MC2R: variants seen among roughly 807,000 people sequenced by gnomAD.
MC2R encodes adrenocorticotropic hormone receptor.
A neutral mutation model predicts 9.8 loss-of-function variants in MC2R; 9 were observed. That is an observed-to-expected ratio of 0.92 (90% CI 0.55 to 1.60). The LOEUF is 1.60. Ranked by LOEUF, MC2R falls within the 40% of genes most tolerant of loss-of-function variation. The pLI, the probability that MC2R is intolerant of heterozygous loss-of-function variation, is 0.00. For missense variants in MC2R, 370 were observed against 389.0 expected (o/e 0.95, Z 0.41); for synonymous variants, 185 against 154.7 (o/e 1.20, Z -1.45).
intron 1 of MC2R, among the ~76,000 whole-genome samples, chr18:13,914,567 C>T (rs1023534314): frequency 1.3e-5 from 2 of 152,262 alleles, no homozygotes; most frequent in Non-Finnish European, 2.9e-5. Flanking sequence ...CCCTTTGTAC[C>T]CCTTTCCCAT....
At chr18:13,892,022 A>G (rs2045318228) in intron 1 of MC2R, among the ~76,000 whole-genome samples, 1 of 152,218 alleles carries the variant, frequency 6.6e-6, no homozygotes, top group Non-Finnish European at 1.5e-5. Flanking sequence ...ACAAACAAAC[A>G]CACAGGGCCA....
At chr18:13,915,697 C>CA (rs1184166885), upstream of MC2R, 2 of 152,222 alleles carry the variant, frequency 1.3e-5, no homozygotes. Flanking sequence ...AATGGAAAGA[C>CA]ACAGGCAGAT....
Position 13,904,727 on chromosome 18 carries a change from CT to C in MC2R, c.-129+10760del, listed in dbSNP as rs569771788. Among the ~76,000 whole-genome samples the C allele has an allele frequency of 1.3e-4, 20 of 152,110 alleles. No individual in the cohort carries two copies. In the South Asian group the frequency reaches 3.7e-3, roughly 28 times the overall value. The stretch of plus-strand genomic sequence containing the variant: ...TAGACCAATGGAGCAGAACAGAGAC[CT>C]CAGAAATAACACCACACATCTACAA... On this transcript the variant is annotated intron_variant, in intron 1 of 1. Transcript: ENST00000327606.
At position 13,884,353 on chromosome 18, in the gene MC2R, C is replaced by T. The variant is rs2045257840; in HGVS notation, c.*272G>A. On this transcript the variant is annotated 3_prime_UTR_variant, in exon 2 of 2. Transcript: ENST00000327606. ...GGTCATTGAAAGTAATGGCAAAAAC[C>T]TTAATTACTTTTGTACCTACCTAAT... is the stretch of plus-strand genomic sequence containing the variant. 6.0e-6 allele frequency: 3 copies of T among 499,650 alleles called. No homozygotes were observed. Among genetic ancestry groups the T allele is most frequent in the Non-Finnish European group, 1.1e-5 (3 of 275,472 alleles). 31.0% of individuals were successfully genotyped at this position (499,650 alleles called of 1,614,324 possible).
intron 1 of MC2R, among the ~76,000 whole-genome samples, chr18:13,906,408 A>G (rs1199077946): frequency 6.6e-6 from 1 of 152,132 alleles, no homozygotes; most frequent in Non-Finnish European, 1.5e-5. Context: ...AGAGGTGAAC[A>G]ACACACACCA....
In MC2R at chr18:13,892,842, ACACAC is replaced by A. The variant is rs1259850199; in HGVS notation, c.-128-7201_-128-7197del. ...CACACACACACACACACACACACAC[ACACAC>A]CACACACACACATCTGTTGCCCAGG... On this transcript the variant is annotated intron_variant, in intron 1 of 1. Transcript: ENST00000327606. 4.1e-4 allele frequency among the ~76,000 whole-genome samples: 56 copies of A among 136,446 alleles called. No individual in the cohort carries two copies. In the East Asian group the frequency reaches 6.9e-3, roughly 17 times the overall value. 89.5% of individuals were successfully genotyped at this position (136,446 alleles called of 152,430 possible).
At chr18:13,907,371 T>A (rs2045420141) in intron 1 of MC2R, among the ~76,000 whole-genome samples, 1 of 152,002 alleles carries the variant, frequency 6.6e-6, no homozygotes, top group Non-Finnish European at 1.5e-5. Flanking sequence ...AAAAATCAAA[T>A]CAAGATGGAT....
chr18:13,910,169 A>G (rs1254326255), intron 1 of MC2R, among the ~76,000 whole-genome samples: 1 of 152,200 alleles, frequency 6.6e-6, no homozygotes, highest in Non-Finnish European at 1.5e-5. Flanking sequence ...CTGTTTGTTG[A>G]AAAGTCTACC....
Position 13,884,719 on chromosome 18 carries a change from C to T in MC2R, c.800G>A (p.Cys267Tyr). The T allele has an allele frequency of 6.2e-7, 1 of 1,614,090 alleles. No homozygotes were observed. Among genetic ancestry groups the T allele is most frequent in the Non-Finnish European group, 8.5e-7 (1 of 1,180,010 alleles). The change falls in exon 2 of 2, where the codon TGC (cysteine) becomes TAC (tyrosine). Residue 267 changes from cysteine to tyrosine, a missense_variant. Transcript: ENST00000327606. ...LFQVNGMLIM[C>Y]NAVIDPFIYA... ...TATGAAGGGGTCAATGACGGCATTG[C>T]ACATGATCAACATGCCGTTCACCTG...
chr18:13,888,014 ACT>A (rs1045357265), intron 1 of MC2R, among the ~76,000 whole-genome samples: 1 of 151,930 alleles, frequency 6.6e-6, no homozygotes, highest in African/African-American at 2.4e-5. Context: ...ATGTATGGAG[ACT>A]CTGCTGGGAC....
intron 1 of MC2R, among the ~76,000 whole-genome samples, chr18:13,887,762 T>C (rs2045286003): frequency 6.6e-6 from 1 of 152,164 alleles, no homozygotes; most frequent in East Asian, 1.9e-4. Context: ...GCCTTCGGAC[T>C]AGCACAGAAG....
intron 1 of MC2R, among the ~76,000 whole-genome samples, chr18:13,904,798 G>T (rs1057097934): frequency 6.6e-6 from 1 of 152,164 alleles, no homozygotes; most frequent in Non-Finnish European, 1.5e-5. Context: ...CAAGGGGAAA[G>T]GATCTCCTAT....
At chr18:13,894,815 C>T (rs1037926990) in intron 1 of MC2R, among the ~76,000 whole-genome samples, 2 of 152,182 alleles carry the variant, frequency 1.3e-5, no homozygotes, top group South Asian at 2.1e-4. Context: ...CTTTTCGAAT[C>T]TTTCCTCTGT....
chr18:13,898,054 G>A (rs2045357076), intron 1 of MC2R, among the ~76,000 whole-genome samples: 1 of 151,926 alleles, frequency 6.6e-6, no homozygotes, highest in Admixed American at 6.6e-5. Flanking sequence ...CTGTGGAATA[G>A]AGTACCAAGC....
At chr18:13,914,363 G>T (rs924041502) in intron 1 of MC2R, among the ~76,000 whole-genome samples, 2 of 152,160 alleles carry the variant, frequency 1.3e-5, no homozygotes, top group Admixed American at 1.3e-4. Context: ...CAGCGCCGGG[G>T]CTCCAGGAGG....
chr18:13,900,982 A>G (rs1328216304), intron 1 of MC2R, among the ~76,000 whole-genome samples: 1 of 152,188 alleles, frequency 6.6e-6, no homozygotes, highest in East Asian at 1.9e-4. Flanking sequence ...TCTCAAGGAC[A>G]GACCATATGT....
intron 1 of MC2R, among the ~76,000 whole-genome samples, chr18:13,907,599 G>C (rs2045421120): frequency 6.6e-6 from 1 of 152,188 alleles, no homozygotes; most frequent in Admixed American, 6.5e-5. Flanking sequence ...CACAGAATGG[G>C]AGAAAATATT....
chr18:13,890,670 T>A (rs2045310617), intron 1 of MC2R, among the ~76,000 whole-genome samples: 4 of 152,206 alleles, frequency 2.6e-5, no homozygotes, highest in Admixed American at 6.5e-5. Context: ...ACTCGTTGCA[T>A]AAGTTGTACG....
chr18:13,887,302 C>T (rs1445228342), intron 1 of MC2R, among the ~76,000 whole-genome samples: 1 of 120,558 alleles, frequency 8.3e-6, no homozygotes, highest in Non-Finnish European at 1.9e-5. Context: ...TGCTGTGTCC[C>T]ACCTGCTGGG....
Sources: allele counts gnomAD v4.1 joint callset (sites outside exome capture counted in the v4.1 genomes callset), GRCh38; gene constraint gnomAD v4.1.1; transcripts MANE v1.5; gene names NCBI Gene and HGNC (gene_info 2026-07-23, HGNC 2026-07-21).